Variants in ERBB4 observed in about 807,000 individuals in gnomAD.
ERBB4 encodes receptor tyrosine-protein kinase erbB-4.
A neutral mutation model predicts 158.0 loss-of-function variants in ERBB4; 42 were observed. The ratio of observed to expected loss-of-function variants is 0.27; its 90% CI spans 0.21 to 0.34. ERBB4 has a LOEUF of 0.34. Among genes scored for constraint, ERBB4 ranks in the 10% least tolerant of loss-of-function variants. ERBB4 has a pLI of 1.00. For synonymous variants in ERBB4, 583 were observed against 558.7 expected, an observed-to-expected ratio of 1.04 and a Z score of -0.61; for missense variants, 1,333 against 1,624.1, an observed-to-expected ratio of 0.82 and a Z score of 3.08.
intron 20 of ERBB4, among the ~76,000 whole-genome samples, chr2:211,512,032 T>C (rs1013587778): frequency 2.0e-5 from 3 of 152,134 alleles, no homozygotes; most frequent in African/African-American, 7.2e-5. Flanking sequence ...AGCATTGGTT[T>C]AATTTTAAAA....
chr2:211,902,099 T>C (rs1342358530), intron 3 of ERBB4, among the ~76,000 whole-genome samples: 1 of 152,130 alleles, frequency 6.6e-6, no homozygotes, highest in African/African-American at 2.4e-5. Flanking sequence ...TCTCCAGTGT[T>C]GCTTTGCTCA....
intron 1 of ERBB4, among the ~76,000 whole-genome samples, chr2:212,275,705 A>G (rs1409420293): frequency 6.6e-6 from 1 of 151,880 alleles, no homozygotes; most frequent in African/African-American, 2.4e-5. Flanking sequence ...AAAAACCGGT[A>G]CCAGCCCCTG....
intron 2 of ERBB4, among the ~76,000 whole-genome samples, chr2:212,048,341 G>A (rs2125389102): frequency 6.6e-6 from 1 of 152,314 alleles, no homozygotes; most frequent in South Asian, 2.1e-4. Context: ...AATCATACTA[G>A]CAGTAGTGTA....
At chr2:212,445,285 C>T (rs1051797429) in intron 1 of ERBB4, among the ~76,000 whole-genome samples, 4 of 152,058 alleles carry the variant, frequency 2.6e-5, no homozygotes, top group Non-Finnish European at 4.4e-5. Flanking sequence ...CCAGGATTCA[C>T]GGGTCCAGGA....
At chr2:212,267,344 T>C (rs1162774974) in intron 1 of ERBB4, among the ~76,000 whole-genome samples, 1 of 151,920 alleles carries the variant, frequency 6.6e-6, no homozygotes, top group African/African-American at 2.4e-5. Flanking sequence ...TGCATACTGA[T>C]ACATAGTGAT....
chr2:211,852,794 C>A (rs951631177), intron 3 of ERBB4, among the ~76,000 whole-genome samples: 1 of 151,796 alleles, frequency 6.6e-6, no homozygotes, highest in East Asian at 1.9e-4. Context: ...GCTCCTACTA[C>A]TTGCTGCAAA....
At position 212,085,944 on chromosome 2, in the gene ERBB4, T is replaced by C. The variant is rs150236578; in HGVS notation, c.234+38808A>G. On this transcript the variant is annotated intron_variant, in intron 2 of 27. Transcript: ENST00000342788. ...GAAGGGATATAACACCATTTTTTCA[T>C]AAGAGGATATAAAGGCATTCTTGTA... 6.8e-3 allele frequency among the ~76,000 whole-genome samples: 1,033 copies of C among 152,024 alleles called. 9 individuals carry two copies. The highest frequency in any genetic ancestry group is 0.024 in the African/African-American group (980 of 41,518).
chr2:211,788,362 G>A (rs2076214912), intron 3 of ERBB4, among the ~76,000 whole-genome samples: 1 of 151,998 alleles, frequency 6.6e-6, no homozygotes, highest in Non-Finnish European at 1.5e-5. Context: ...TTACAAAAGT[G>A]AAAAACAACC....
chr2:211,573,425 C>G (rs1481051921), intron 19 of ERBB4, among the ~76,000 whole-genome samples: 1 of 152,146 alleles, frequency 6.6e-6, no homozygotes, highest in East Asian at 1.9e-4. Context: ...AATCCCAGCA[C>G]TTTGGGAGTC....
chr2:211,757,456 C>T (rs940209355), intron 4 of ERBB4, among the ~76,000 whole-genome samples: 14 of 152,146 alleles, frequency 9.2e-5, no homozygotes, highest in South Asian at 2.1e-4. Context: ...CAAATAAGTA[C>T]GGTTAACCTT....
At chr2:212,032,065 T>C (rs2076915877) in intron 2 of ERBB4, among the ~76,000 whole-genome samples, 1 of 152,126 alleles carries the variant, frequency 6.6e-6, no homozygotes, top group Non-Finnish European at 1.5e-5. Flanking sequence ...TAGAAAAATA[T>C]GCTGTAAATC....
intron 6 of ERBB4, 105 bp downstream of exon 6, chr2:211,724,971 G>A: frequency 5.7e-6 from 5 of 884,730 alleles, no homozygotes; most frequent in Non-Finnish European, 9.6e-6. Flanking sequence ...ATCCTAAAGT[G>A]GCTAAAGTTG....
At chr2:212,273,224 C>G (rs1559897427) in intron 1 of ERBB4, among the ~76,000 whole-genome samples, 2 of 151,764 alleles carry the variant, frequency 1.3e-5, no homozygotes, top group Admixed American at 1.3e-4. Flanking sequence ...AGAGTATCTT[C>G]ACATGCAAGA....
In ERBB4 at chr2:211,731,842, C is replaced by T. The variant is rs180771867; in HGVS notation, c.623-6648G>A. ...AAAATCAGGTTCAATGAAACTAATG[C>T]CAAACTATACACTGTTATTCATTCT... On this transcript the variant is annotated intron_variant, in intron 5 of 27. Coordinates refer to ENST00000342788, the MANE Select transcript of ERBB4 (RefSeq NM_005235.3). Among the ~76,000 whole-genome samples, 7 of 152,164 alleles carry T rather than the reference C, an allele frequency of 4.6e-5. No homozygotes were observed. In the East Asian group the frequency reaches 1.4e-3, roughly 29 times the overall value.
At chr2:212,015,131 T>G (rs2076498900) in intron 2 of ERBB4, among the ~76,000 whole-genome samples, 18 of 132,662 alleles carry the variant, frequency 1.4e-4, no homozygotes, top group Admixed American at 2.4e-4. Context: ...CCGGGCATGG[T>G]GGCGGGTGCC....
Position 212,513,814 on chromosome 2 carries a change from A to AAATAAATAAATAAATAAATAAAT in ERBB4, c.82+24634_82+24635insATTTATTTATTTATTTATTTATT, listed in dbSNP as rs1553656326. 1.9e-3 allele frequency among the ~76,000 whole-genome samples: 295 copies of AAATAAATAAATAAATAAATAAAT among 151,888 alleles called. 2 individuals are homozygous for AAATAAATAAATAAATAAATAAAT. Among genetic ancestry groups the AAATAAATAAATAAATAAATAAAT allele is most frequent in the African/African-American group, 6.9e-3 (284 of 41,230 alleles). ...GCGACACGGCGAGACTCCGTCTCAA[A>AAATAAATAAATAAATAAATAAAT]AAATAAATAAATAAATAAATAAAAA... On this transcript the variant is annotated intron_variant, in intron 1 of 27. Coordinates refer to ENST00000342788, the MANE Select transcript of ERBB4 (RefSeq NM_005235.3).
Position 211,383,146 on chromosome 2 carries a change from A to T in ERBB4, c.*469T>A, listed in dbSNP as rs1196860327. On this transcript the variant is annotated 3_prime_UTR_variant, in exon 28 of 28. Coordinates refer to ENST00000342788, the MANE Select transcript of ERBB4 (RefSeq NM_005235.3). ...TAGAAAATGTTATTCTTTTGTTCTA[A>T]TGGAAACTTTATTATGATTTCCAGG... 4.2e-6 allele frequency: 1 copy of T among 238,016 alleles called. No individual in the cohort carries two copies. The highest frequency in any genetic ancestry group is 8.3e-6 in the Non-Finnish European group (1 of 121,128). 14.7% of individuals were successfully genotyped at this position (238,016 alleles called of 1,614,324 possible). A position where few individuals can be genotyped will look rare whatever the true frequency, so the allele number is the denominator to read the frequency against.
chr2:211,418,462 A>G (rs926192607), intron 25 of ERBB4, among the ~76,000 whole-genome samples: 1 of 152,172 alleles, frequency 6.6e-6, no homozygotes, highest in African/African-American at 2.4e-5. Context: ...TCTACAGGTA[A>G]CATTGTTTTA....
intron 1 of ERBB4, among the ~76,000 whole-genome samples, chr2:212,487,274 T>C (rs1690026556): frequency 6.6e-6 from 1 of 151,716 alleles, no homozygotes; most frequent in East Asian, 1.9e-4. Context: ...TAATTATATA[T>C]TGTAATATTT....
Sources: allele counts gnomAD v4.1 joint callset (sites outside exome capture counted in the v4.1 genomes callset), GRCh38; gene constraint gnomAD v4.1.1; transcripts MANE v1.5; gene names NCBI Gene and HGNC (gene_info 2026-07-23, HGNC 2026-07-21).